The following FHAD1 variants were observed in gnomAD, a reference collection of about 807,000 sequenced individuals.
The protein encoded by FHAD1 is forkhead-associated domain-containing protein 1.
In FHAD1, 146 loss-of-function variants were observed where a neutral mutation model predicts 191.3. The observed-to-expected ratio is 0.76, with a 90% CI of 0.67 to 0.88. The LOEUF is 0.88. Among genes scored for constraint, FHAD1 ranks in the 40% least tolerant of loss-of-function variants. The pLI, the probability that FHAD1 is intolerant of heterozygous loss-of-function variation, is 0.00. For synonymous variants in FHAD1, 616 were observed against 672.3 expected, an observed-to-expected ratio of 0.92 and a Z score of 1.29; for missense variants, 1,635 against 1,785.8, an observed-to-expected ratio of 0.92 and a Z score of 1.52.
intron 31 of FHAD1, chr1:15,383,617 C>G (rs3737691): frequency 0.23 from 68,440 of 298,846 alleles, 8,476 homozygotes; most frequent in South Asian, 0.33. Flanking sequence ...CTCTCCCTTT[C>G]CTTCACTCTT....
chr1:15,375,008 G>A (rs1387474361), intron 27 of FHAD1, among the ~76,000 whole-genome samples: 1 of 151,862 alleles, frequency 6.6e-6, no homozygotes, highest in African/African-American at 2.4e-5. Context: ...ACAGGAACTA[G>A]CCACCACACC....
At chr1:15,355,474 A>C (rs545056724) in intron 20 of FHAD1, among the ~76,000 whole-genome samples, 1 of 152,256 alleles carries the variant, frequency 6.6e-6, no homozygotes, top group Non-Finnish European at 1.5e-5. Context: ...TTTCAAACGC[A>C]TGGGACCGGT....
chr1:15,248,111 A>G (rs1036971315), intron 1 of FHAD1, among the ~76,000 whole-genome samples: 1 of 151,476 alleles, frequency 6.6e-6, no homozygotes, highest in Non-Finnish European at 1.5e-5. Flanking sequence ...AATGAAAGGT[A>G]GTTACTGTCA....
At chr1:15,306,731 A>G (rs932200174) in intron 6 of FHAD1, among the ~76,000 whole-genome samples, 1 of 152,270 alleles carries the variant, frequency 6.6e-6, no homozygotes, top group African/African-American at 2.4e-5. Flanking sequence ...GCAGGTGCAC[A>G]GAAGTCAAGA....
At chr1:15,308,528 T>C (rs1290094738) in intron 6 of FHAD1, 85 bp from the exon 7 acceptor site, 1 of 1,506,400 alleles carries the variant, frequency 6.6e-7, no homozygotes, top group East Asian at 2.5e-5. Context: ...TCAATCTGAA[T>C]CTTTCTGTCA....
rs142296548 is a variant in FHAD1 at position 15,366,387 on chromosome 1, G to A, written c.3154+454G>A. The stretch of plus-strand genomic sequence containing the variant: ...CTTTAACTCAGGGTCAGCAAAAGCC[G>A]TATCCTGGATATGTCCCTGATTCCT... On this transcript the variant is annotated intron_variant, in intron 24 of 33. Coordinates refer to ENST00000688493, the MANE Select transcript of FHAD1 (RefSeq NM_001391957.1). 1.3e-3 allele frequency among the ~76,000 whole-genome samples: 201 copies of A among 151,014 alleles called. 1 individual carries two copies. The highest frequency in any genetic ancestry group is 4.5e-3 in the African/African-American group (186 of 41,016).
chr1:15,349,209 G>C, intron 19 of FHAD1, 60 bp downstream of exon 19: 1 of 1,289,268 alleles, frequency 7.8e-7, no homozygotes, highest in Non-Finnish European at 1.1e-6. Flanking sequence ...ATCCCTGGGA[G>C]AGTACAGTGG....
At chr1:15,256,869 C>T (rs1648434579) in intron 2 of FHAD1, among the ~76,000 whole-genome samples, 1 of 152,104 alleles carries the variant, frequency 6.6e-6, no homozygotes, top group South Asian at 2.1e-4. Context: ...ATGCCTGCCC[C>T]TCTGCCCTTT....
chr1:15,353,114 C>T, intron 20 of FHAD1, 130 bp downstream of exon 20: 1 of 648,010 alleles, frequency 1.5e-6, no homozygotes, highest in South Asian at 1.9e-5. Context: ...TAGTACCTTA[C>T]CATCTCTGTG....
Position 15,397,487 on chromosome 1 carries a change from A to C in FHAD1, c.*74A>C. On this transcript the variant is annotated 3_prime_UTR_variant, in exon 34 of 34. Coordinates refer to ENST00000688493, the MANE Select transcript of FHAD1 (RefSeq NM_001391957.1). ...GACTCTTCTGTGTCATCTGTGTCAA[A>C]ATACTGAGTTGCTTTTGTAAGTCTT... The C allele has an allele frequency of 1.5e-6, 1 of 657,980 alleles. No individual in the cohort carries two copies. Among genetic ancestry groups the C allele is most frequent in the Non-Finnish European group, 2.4e-6 (1 of 410,300 alleles). 40.8% of individuals were successfully genotyped at this position (657,980 alleles called of 1,614,324 possible).
intron 2 of FHAD1, among the ~76,000 whole-genome samples, chr1:15,259,061 C>T (rs1470932740): frequency 6.6e-6 from 1 of 152,212 alleles, no homozygotes; most frequent in East Asian, 1.9e-4. Flanking sequence ...AGTCTCCCCA[C>T]ATCCTCACCA....
intron 15 of FHAD1, among the ~76,000 whole-genome samples, chr1:15,340,521 A>C (rs1027819126): frequency 6.6e-6 from 1 of 152,172 alleles, no homozygotes; most frequent in African/African-American, 2.4e-5. Context: ...ACTACGAGGT[A>C]TAAAAGAAAG....
chr1:15,303,921 G>T (rs1669621015), intron 6 of FHAD1, among the ~76,000 whole-genome samples: 1 of 151,910 alleles, frequency 6.6e-6, no homozygotes. Context: ...TTTGATCTTG[G>T]CTCATAATTG....
Position 15,369,489 on chromosome 1 carries a change from C to A in FHAD1, c.3434C>A (p.Ser1145Tyr). Reference protein sequence around the residue: ...QIEPVHTEAFSSSQEQQSFSD... With the variant: ...QIEPVHTEAFYSSQEQQSFSD... ...GAACCCGTCCACACTGAGGCCTTCT[C>A]CAGCAGCCAAGAGGTGAGTGCCACC... The change falls in exon 26 of 34, where the codon TCC (serine) becomes TAC (tyrosine). Residue 1145 changes from serine to tyrosine, a missense_variant. Transcript: ENST00000688493. 1.3e-6 allele frequency: 2 copies of A among 1,551,730 alleles called. No individual in the cohort carries two copies. Among genetic ancestry groups the A allele is most frequent in the Non-Finnish European group, 1.7e-6 (2 of 1,147,006 alleles).
rs1397771568 is a variant in FHAD1, at chr1:15,349,248, T to C, written c.2454+99T>C. 72 of 949,668 alleles carry C rather than the reference T, an allele frequency of 7.6e-5. 1 individual carries two copies. In the East Asian group the frequency reaches 1.1e-3, roughly 14 times the overall value. 58.8% of individuals were successfully genotyped at this position (949,668 alleles called of 1,614,324 possible). Reference sequence around the variant, plus strand: ...ATCGGGCAGATATCAGAGCCATGCCTCCCTTTGAAGTGGCCAAGATCTGCC... The same window carrying C: ...ATCGGGCAGATATCAGAGCCATGCCCCCCTTTGAAGTGGCCAAGATCTGCC... On this transcript the variant is annotated intron_variant, in intron 19 of 33. Coordinates refer to ENST00000688493, the MANE Select transcript of FHAD1 (RefSeq NM_001391957.1).
intron 20 of FHAD1, among the ~76,000 whole-genome samples, chr1:15,354,826 C>G (rs1430127177): frequency 6.6e-6 from 1 of 152,194 alleles, no homozygotes; most frequent in Non-Finnish European, 1.5e-5. Context: ...TGATACTAGA[C>G]TAGAGAGAAT....
At chr1:15,251,295 C>G (rs1752002) in intron 1 of FHAD1, among the ~76,000 whole-genome samples, 2 of 42,140 alleles carry the variant, frequency 4.7e-5, no homozygotes, top group East Asian at 5.6e-4. Flanking sequence ...ACAAAAAAAA[C>G]CACCCATTTT....
intron 5 of FHAD1, among the ~76,000 whole-genome samples, chr1:15,298,281 GA>G (rs1667572067): frequency 6.6e-6 from 1 of 152,226 alleles, no homozygotes; most frequent in African/African-American, 2.4e-5. Context: ...CTCAGGAATG[GA>G]AAACCAAACA....
chr1:15,379,232 G>A (rs1338141713), intron 28 of FHAD1, among the ~76,000 whole-genome samples: 1 of 152,202 alleles, frequency 6.6e-6, no homozygotes, highest in Non-Finnish European at 1.5e-5. Context: ...GGATGTGTCA[G>A]GGTCACAAGA....
Sources: allele counts gnomAD v4.1 joint callset (sites outside exome capture counted in the v4.1 genomes callset), GRCh38; gene constraint gnomAD v4.1.1; transcripts MANE v1.5; gene names NCBI Gene and HGNC (gene_info 2026-07-23, HGNC 2026-07-21).